SLIT3: variants seen among roughly 807,000 people sequenced by gnomAD.
SLIT3 encodes the protein slit guidance ligand 3, also known as slit homolog 3 protein.
SLIT3 carries 68 observed loss-of-function variants against 184.0 expected under a neutral mutation model. The observed-to-expected ratio is 0.37, with a 90% CI of 0.30 to 0.45. SLIT3 has a LOEUF of 0.45. Among genes scored for constraint, SLIT3 ranks in the 20% least tolerant of loss-of-function variants. SLIT3 has a pLI of 1.00. For missense variants in SLIT3, 1,707 were observed against 2,026.0 expected (o/e 0.84, Z 3.02); for synonymous variants, 831 against 828.6 (o/e 1.00, Z -0.05).
chr5:169,037,148 G>A (rs1309476789), intron 4 of SLIT3, among the ~76,000 whole-genome samples: 3 of 152,150 alleles, frequency 2.0e-5, no homozygotes, highest in Non-Finnish European at 2.9e-5. Flanking sequence ...CTAAGGCATT[G>A]CCAGGGGCAC....
intron 4 of SLIT3, among the ~76,000 whole-genome samples, chr5:169,076,749 G>C (rs1265389187): frequency 1.3e-5 from 2 of 151,994 alleles, no homozygotes; most frequent in Admixed American, 6.6e-5. Context: ...CCTTTCCCAA[G>C]AATATTCTTT....
At chr5:168,911,094 T>A (rs949661987) in intron 4 of SLIT3, among the ~76,000 whole-genome samples, 6 of 152,134 alleles carry the variant, frequency 3.9e-5, no homozygotes, top group African/African-American at 1.4e-4. Context: ...AATGCCAGCC[T>A]CCTCTCTCTG....
chr5:169,125,559 T>G (rs1761049002), intron 4 of SLIT3, among the ~76,000 whole-genome samples: 1 of 152,170 alleles, frequency 6.6e-6, no homozygotes, highest in Non-Finnish European at 1.5e-5. Flanking sequence ...CTCCCACTGG[T>G]CACTCGGCCT....
At chr5:169,209,747 G>A (rs940493378) in intron 3 of SLIT3, among the ~76,000 whole-genome samples, 2 of 152,062 alleles carry the variant, frequency 1.3e-5, no homozygotes, top group Non-Finnish European at 2.9e-5. Context: ...GTTGAACAAC[G>A]AGAACACATG....
intron 4 of SLIT3, among the ~76,000 whole-genome samples, chr5:169,097,159 T>C (rs1414860876): frequency 2.0e-5 from 3 of 152,226 alleles, no homozygotes; most frequent in Non-Finnish European, 1.5e-5. Flanking sequence ...ACCTATTTAG[T>C]GTTGAAACAT....
intron 8 of SLIT3, among the ~76,000 whole-genome samples, chr5:168,812,311 C>T (rs1407527673): frequency 1.3e-5 from 2 of 152,126 alleles, no homozygotes; most frequent in Admixed American, 1.3e-4. Context: ...CTACAGTTAA[C>T]AATATTGTGT....
At chr5:169,095,387 C>T (rs1344651339) in intron 4 of SLIT3, among the ~76,000 whole-genome samples, 1 of 152,148 alleles carries the variant, frequency 6.6e-6, no homozygotes, top group Non-Finnish European at 1.5e-5. Context: ...ATGAAAAAAT[C>T]CAAATCCAAT....
intron 20 of SLIT3, among the ~76,000 whole-genome samples, chr5:168,736,365 C>T (rs1450468881): frequency 6.6e-6 from 1 of 152,166 alleles, no homozygotes; most frequent in East Asian, 1.9e-4. Flanking sequence ...ATAAGTGCTG[C>T]TGTGCCCAGA....
At chr5:169,256,507 C>A (rs1210778943) in intron 1 of SLIT3, among the ~76,000 whole-genome samples, 1 of 152,160 alleles carries the variant, frequency 6.6e-6, no homozygotes, top group African/African-American at 2.4e-5. Flanking sequence ...AACGAAATTG[C>A]CAAGGACACA....
At chr5:169,255,831 C>T (rs1262615598) in intron 1 of SLIT3, among the ~76,000 whole-genome samples, 3 of 152,148 alleles carry the variant, frequency 2.0e-5, no homozygotes, top group Admixed American at 6.5e-5. Flanking sequence ...TGCAGTGAGC[C>T]GAGATCGCGC....
Position 168,855,648 on chromosome 5 carries a change from G to A in SLIT3, c.486-10993C>T, listed in dbSNP as rs185918950. 7.9e-5 allele frequency among the ~76,000 whole-genome samples: 12 copies of A among 152,316 alleles called. No homozygotes were observed. The East Asian group carries it at 2.3e-3, about 29-fold the overall frequency. On this transcript the variant is annotated intron_variant, in intron 5 of 35. Coordinates refer to ENST00000519560, the MANE Select transcript of SLIT3 (RefSeq NM_003062.4). Reference sequence around the variant, plus strand: ...AAGGTCAACTATTGTGTGATTCCATGAATAGAAAATATCCAGAACAGGTAA... The same window carrying A: ...AAGGTCAACTATTGTGTGATTCCATAAATAGAAAATATCCAGAACAGGTAA...
intron 8 of SLIT3, among the ~76,000 whole-genome samples, chr5:168,815,240 G>C (rs986837324): frequency 6.6e-6 from 1 of 152,208 alleles, no homozygotes; most frequent in African/African-American, 2.4e-5. Flanking sequence ...GAGAAAGAGT[G>C]AGGCATTCAG....
intron 12 of SLIT3, among the ~76,000 whole-genome samples, chr5:168,777,110 C>T (rs1240450476): frequency 1.2e-4 from 1 of 8,424 alleles, no homozygotes; most frequent in Non-Finnish European, 8.2e-4. Context: ...CACACACCCC[C>T]CATACCACAC....
At chr5:169,149,664 C>T (rs7724295) in intron 4 of SLIT3, among the ~76,000 whole-genome samples, 30,251 of 152,146 alleles carry the variant, frequency 0.2, 3,381 homozygotes, top group Middle Eastern at 0.37. Flanking sequence ...GCATGAATAA[C>T]GTAAAATGGT....
At chr5:169,104,260 T>A (rs1419246762) in intron 4 of SLIT3, among the ~76,000 whole-genome samples, 1 of 152,174 alleles carries the variant, frequency 6.6e-6, no homozygotes, top group Non-Finnish European at 1.5e-5. Flanking sequence ...ATCACCTGCC[T>A]TTTGTGCATG....
intron 6 of SLIT3, among the ~76,000 whole-genome samples, chr5:168,843,259 C>T (rs1300750026): frequency 1.3e-5 from 2 of 152,244 alleles, no homozygotes; most frequent in Middle Eastern, 3.4e-3. Context: ...CTCTCTCCAA[C>T]CCGTTGCTAG....
intron 4 of SLIT3, among the ~76,000 whole-genome samples, chr5:168,908,368 C>T (rs1047274322): frequency 6.6e-6 from 1 of 152,018 alleles, no homozygotes; most frequent in Non-Finnish European, 1.5e-5. Context: ...CCATGCAGTC[C>T]ACGGTTTGGT....
At chr5:168,843,964 C>A (rs1035338349) in intron 6 of SLIT3, among the ~76,000 whole-genome samples, 1 of 152,004 alleles carries the variant, frequency 6.6e-6, no homozygotes, top group Admixed American at 6.6e-5. Context: ...CCTCTCATCT[C>A]CCCCTATTTC....
chr5:168,906,460 A>T (rs1270623902), intron 4 of SLIT3, among the ~76,000 whole-genome samples: 1 of 152,240 alleles, frequency 6.6e-6, no homozygotes, highest in African/African-American at 2.4e-5. Flanking sequence ...GAGCTCAGAG[A>T]ACGAAAAAAC....
Sources: gnomAD v4.1 joint callset for allele counts (sites outside exome capture counted in the v4.1 genomes callset) on GRCh38, gnomAD v4.1.1 for gene constraint, MANE v1.5 for transcripts, NCBI Gene and HGNC (gene_info 2026-07-23, HGNC 2026-07-21) for gene names.